The following SGCD variants were observed in gnomAD, a reference collection of about 807,000 sequenced individuals.
The protein encoded by SGCD is delta-sarcoglycan.
SGCD carries 18 observed loss-of-function variants against 36.6 expected under a neutral mutation model. The ratio of observed to expected loss-of-function variants is 0.49; its 90% CI spans 0.34 to 0.73. SGCD has a LOEUF of 0.73. Ranked by LOEUF, SGCD falls within the 30% of genes least tolerant of loss-of-function variation. The pLI is 0.01. For synonymous variants in SGCD, 133 were observed against 130.6 expected, an observed-to-expected ratio of 1.02 and a Z score of -0.12; for missense variants, 387 against 346.7, an observed-to-expected ratio of 1.12 and a Z score of -0.92.
intron 1 of SGCD, among the ~76,000 whole-genome samples, chr5:156,068,265 C>G (rs190665748): frequency 6.6e-6 from 1 of 151,834 alleles, no homozygotes; most frequent in East Asian, 1.9e-4. Context: ...AAAGCTATCC[C>G]TCCCCCCTTT....
At chr5:156,503,926 A>T (rs1440756045) in intron 3 of SGCD, among the ~76,000 whole-genome samples, 2 of 152,042 alleles carry the variant, frequency 1.3e-5, no homozygotes, top group Non-Finnish European at 2.9e-5. Flanking sequence ...TGTACAGCCC[A>T]GTCATGGTGG....
At chr5:156,748,865 T>G (rs1484483963) in intron 7 of SGCD, among the ~76,000 whole-genome samples, 2 of 152,158 alleles carry the variant, frequency 1.3e-5, no homozygotes, top group African/African-American at 4.8e-5. Context: ...TGATTTCAGC[T>G]CATTGCAGCC....
At chr5:156,123,814 G>C (rs549982588) in intron 2 of SGCD, 1 of 152,050 alleles carries the variant, frequency 6.6e-6, no homozygotes, top group Admixed American at 6.5e-5. Context: ...TCTTGTTTTT[G>C]TTTTTCTTTA....
intron 7 of SGCD, among the ~76,000 whole-genome samples, chr5:156,750,086 ATATATTAAGGAGAAATATAT>A (rs1757095758): frequency 1.3e-5 from 2 of 152,176 alleles, no homozygotes; most frequent in South Asian, 4.1e-4. Flanking sequence ...CACCACATTA[ATATATTAAGGAGAAATATAT>A]TATCTTAATA....
At chr5:156,700,840 G>A (rs377072747) in intron 7 of SGCD, among the ~76,000 whole-genome samples, 1 of 151,740 alleles carries the variant, frequency 6.6e-6, no homozygotes, top group South Asian at 2.1e-4. Context: ...CTTCTCAAGA[G>A]GCTGAGGCAG....
intron 2 of SGCD, among the ~76,000 whole-genome samples, chr5:156,341,847 G>A (rs1188137853): frequency 1.3e-5 from 2 of 152,168 alleles, no homozygotes; most frequent in Admixed American, 1.3e-4. Context: ...AAGTAACTGG[G>A]ATTACAGGCA....
chr5:156,086,734 G>T (rs1242971084), intron 1 of SGCD, among the ~76,000 whole-genome samples: 1 of 152,148 alleles, frequency 6.6e-6, no homozygotes, highest in Non-Finnish European at 1.5e-5. Flanking sequence ...TGGTGCAAGG[G>T]GGTACCTGGT....
At chr5:156,289,272 G>A (rs1286625635) in intron 3 of SGCD, among the ~76,000 whole-genome samples, 2 of 151,480 alleles carry the variant, frequency 1.3e-5, no homozygotes, top group African/African-American at 4.9e-5. Context: ...AAAAAATTGA[G>A]CAAGCAACCC....
At chr5:156,618,293 C>A (rs1762096435) in intron 6 of SGCD, among the ~76,000 whole-genome samples, 1 of 152,160 alleles carries the variant, frequency 6.6e-6, no homozygotes, top group South Asian at 2.1e-4. Context: ...CAGAGATAAT[C>A]TGCTGGGTAT....
At chr5:156,693,549 G>A (rs1005302001) in intron 7 of SGCD, among the ~76,000 whole-genome samples, 8 of 152,090 alleles carry the variant, frequency 5.3e-5, no homozygotes, top group African/African-American at 1.7e-4. Flanking sequence ...ATATTAGGGT[G>A]CAGATACCCA....
intron 6 of SGCD, among the ~76,000 whole-genome samples, chr5:156,617,261 G>A (rs1032302828): frequency 5.9e-5 from 9 of 152,178 alleles, no homozygotes; most frequent in Non-Finnish European, 1.0e-4. Context: ...GCAGGGGAGA[G>A]CGTGCCCCTA....
chr5:156,124,449 T>C (rs1762120455), intron 3 of SGCD, among the ~76,000 whole-genome samples: 1 of 152,206 alleles, frequency 6.6e-6, no homozygotes, highest in African/African-American at 2.4e-5. Context: ...AAAATTTTGT[T>C]ATTCCTTAAG....
At chr5:156,424,864 C>T (rs968277959) in intron 3 of SGCD, among the ~76,000 whole-genome samples, 1 of 152,004 alleles carries the variant, frequency 6.6e-6, no homozygotes, top group African/African-American at 2.4e-5. Flanking sequence ...GCACTTAATT[C>T]CCTCAACAAC....
intron 4 of SGCD, among the ~76,000 whole-genome samples, chr5:156,571,645 T>G (rs1278841293): frequency 1.3e-5 from 2 of 152,202 alleles, no homozygotes; most frequent in African/African-American, 4.8e-5. Flanking sequence ...CTCCGTGGCC[T>G]GCTTCTAGAT....
chr5:156,462,818 T>C (rs544821294), intron 3 of SGCD, among the ~76,000 whole-genome samples: 7 of 152,126 alleles, frequency 4.6e-5, no homozygotes, highest in Admixed American at 2.0e-4. Context: ...TTTCAATGGC[T>C]AAAACTGCAA....
chr5:156,079,355 T>C (rs1282780018), intron 1 of SGCD, among the ~76,000 whole-genome samples: 1 of 152,188 alleles, frequency 6.6e-6, no homozygotes, highest in Non-Finnish European at 1.5e-5. Flanking sequence ...TATCATTCCA[T>C]CCCTGATTCC....
intron 6 of SGCD, among the ~76,000 whole-genome samples, chr5:156,608,740 C>A (rs1338618133): frequency 6.6e-6 from 1 of 152,124 alleles, no homozygotes; most frequent in Non-Finnish European, 1.5e-5. Flanking sequence ...GTATTGGGTG[C>A]CTATATATTT....
intron 1 of SGCD, among the ~76,000 whole-genome samples, chr5:155,917,331 A>T (rs915158163): frequency 1.3e-4 from 20 of 152,150 alleles, no homozygotes; most frequent in Non-Finnish European, 2.9e-4. Flanking sequence ...ACGAGGTTGA[A>T]GGTTGTATAT....
intron 3 of SGCD, among the ~76,000 whole-genome samples, chr5:156,189,269 G>A (rs192546956): frequency 5.9e-5 from 9 of 152,240 alleles, no homozygotes; most frequent in Admixed American, 3.3e-4. Context: ...GAAAACCTCT[G>A]GGGGTTGAAA....
Sources: allele counts gnomAD v4.1 joint callset (sites outside exome capture counted in the v4.1 genomes callset), GRCh38; gene constraint gnomAD v4.1.1; transcripts MANE v1.5; gene names NCBI Gene and HGNC (gene_info 2026-07-23, HGNC 2026-07-21).